Variants in CDIN1 observed in about 807,000 individuals in gnomAD.
CDIN1 encodes the protein CDAN1-interacting nuclease 1.
Under a neutral mutation model 45.3 loss-of-function variants are expected in CDIN1, and 33 were observed. The ratio of observed to expected loss-of-function variants is 0.73; its 90% CI spans 0.55 to 0.97. The LOEUF (loss-of-function observed/expected upper bound fraction) is 0.97, where lower values mean the gene tolerates loss of function less well. CDIN1 is among the 50% of genes least tolerant of loss of function. The pLI, the probability that CDIN1 is intolerant of heterozygous loss-of-function variation, is 0.00. For missense variants in CDIN1, 303 were observed against 339.4 expected (o/e 0.89, Z 0.84); for synonymous variants, 118 against 124.4 (o/e 0.95, Z 0.34).
chr15:36,667,619 T>A (rs925817633), intron 5 of CDIN1, among the ~76,000 whole-genome samples: 3 of 152,164 alleles, frequency 2.0e-5, no homozygotes, highest in African/African-American at 7.2e-5. Flanking sequence ...AGAGAATCAA[T>A]AAAACCAATA....
chr15:36,693,801 T>G (rs1365025563), intron 7 of CDIN1, among the ~76,000 whole-genome samples: 1 of 152,196 alleles, frequency 6.6e-6, no homozygotes, highest in African/African-American at 2.4e-5. Context: ...CATACATCAA[T>G]AATAGGTATT....
chr15:36,699,529 C>G (rs1198325210), intron 8 of CDIN1, among the ~76,000 whole-genome samples: 1 of 152,104 alleles, frequency 6.6e-6, no homozygotes. Flanking sequence ...AAATCTCTCT[C>G]TCTCTCTGTT....
At chr15:36,762,264 T>TA (rs1175342589) in intron 10 of CDIN1, among the ~76,000 whole-genome samples, 1 of 152,166 alleles carries the variant, frequency 6.6e-6, no homozygotes, top group East Asian at 1.9e-4. Flanking sequence ...TTCCTTTTGT[T>TA]ACACGCAGGC....
chr15:36,800,907 G>GTATATATATATA (rs1282877205), intron 10 of CDIN1, among the ~76,000 whole-genome samples: 884 of 31,298 alleles, frequency 0.028, 28 homozygotes, highest in South Asian at 0.041. Context: ...GTGTGTGTGT[G>GTATATATATATA]TGTATATATA....
chr15:36,586,907 C>T (rs948015785), intron 1 of CDIN1, among the ~76,000 whole-genome samples: 1 of 152,164 alleles, frequency 6.6e-6, no homozygotes, highest in African/African-American at 2.4e-5. Context: ...CCAAAGGATT[C>T]GTTGAATAGT....
At chr15:36,781,243 A>G (rs1200067918) in intron 10 of CDIN1, among the ~76,000 whole-genome samples, 1 of 152,208 alleles carries the variant, frequency 6.6e-6, no homozygotes, top group South Asian at 2.1e-4. Context: ...TGCCATTTTT[A>G]GACTACTTAA....
At chr15:36,804,755 C>T (rs2055172330) in intron 10 of CDIN1, 1 of 144,554 alleles carries the variant, frequency 6.9e-6, no homozygotes, top group East Asian at 2.1e-4. Flanking sequence ...TCACTGCAAC[C>T]TCCGTCTCCT....
intron 5 of CDIN1, among the ~76,000 whole-genome samples, chr15:36,690,974 C>T (rs1160117926): frequency 6.6e-6 from 1 of 152,070 alleles, no homozygotes; most frequent in Non-Finnish European, 1.5e-5. Context: ...CTTAGTGCCC[C>T]CTCTTCTTCT....
chr15:36,693,947 G>T (rs898431831), intron 7 of CDIN1, among the ~76,000 whole-genome samples: 1 of 152,126 alleles, frequency 6.6e-6, no homozygotes, highest in Non-Finnish European at 1.5e-5. Context: ...TGTAGTACAT[G>T]ATTTCAATTG....
At chr15:36,804,528 C>A (rs2141142665) in intron 10 of CDIN1, 1 of 152,086 alleles carries the variant, frequency 6.6e-6, no homozygotes. Context: ...TCTTTACCCT[C>A]AACAGGGTCC....
intron 10 of CDIN1, among the ~76,000 whole-genome samples, chr15:36,740,211 A>G (rs1192638659): frequency 6.6e-6 from 1 of 151,946 alleles, no homozygotes; most frequent in Non-Finnish European, 1.5e-5. Flanking sequence ...TCTTTTTTGC[A>G]TCTAATACCT....
intron 1 of CDIN1, chr15:36,641,608 T>C (rs1429556417): frequency 1.3e-5 from 2 of 152,234 alleles, no homozygotes; most frequent in African/African-American, 4.8e-5. Context: ...TTTTTGATTA[T>C]GTAAATTTAA....
chr15:36,779,742 G>A (rs1335992931), intron 10 of CDIN1, among the ~76,000 whole-genome samples: 1 of 152,080 alleles, frequency 6.6e-6, no homozygotes, highest in African/African-American at 2.4e-5. Context: ...GACTTCTCTG[G>A]GCCTCAGAGA....
chr15:36,680,615 GC>G (rs1293580738), intron 5 of CDIN1, among the ~76,000 whole-genome samples: 2 of 152,108 alleles, frequency 1.3e-5, no homozygotes, highest in African/African-American at 4.8e-5. Context: ...GACACGAGGG[GC>G]TGGGCTTGGG....
At chr15:36,793,747 G>A (rs974526758) in intron 10 of CDIN1, among the ~76,000 whole-genome samples, 3 of 152,042 alleles carry the variant, frequency 2.0e-5, no homozygotes, top group East Asian at 1.9e-4. Flanking sequence ...TTCATTAATC[G>A]CGAGAAAACA....
intron 1 of CDIN1, among the ~76,000 whole-genome samples, chr15:36,584,212 C>G (rs1355548470): frequency 6.6e-6 from 1 of 152,152 alleles, no homozygotes; most frequent in East Asian, 1.9e-4. Flanking sequence ...GCACCTCTTA[C>G]CACCATGTAT....
chr15:36,620,901 A>G (rs1444535006), intron 1 of CDIN1, among the ~76,000 whole-genome samples: 25 of 152,198 alleles, frequency 1.6e-4, no homozygotes, highest in Admixed American at 1.6e-3. Context: ...ATTCACTGAA[A>G]CAGAACCAGC....
At chr15:36,730,494 A>G (rs1010878660) in intron 10 of CDIN1, among the ~76,000 whole-genome samples, 1 of 152,114 alleles carries the variant, frequency 6.6e-6, no homozygotes, top group Admixed American at 6.6e-5. Flanking sequence ...AAAAGTAGGC[A>G]GAGTAAGAGT....
chr15:36,726,871 C>T (rs1189598755), intron 10 of CDIN1, among the ~76,000 whole-genome samples: 2 of 152,040 alleles, frequency 1.3e-5, no homozygotes, highest in Non-Finnish European at 2.9e-5. Context: ...GGTTTATCAG[C>T]GACTTAATTT....
Sources: gnomAD v4.1 joint callset for allele counts (sites outside exome capture counted in the v4.1 genomes callset) on GRCh38, gnomAD v4.1.1 for gene constraint, MANE v1.5 for transcripts, NCBI Gene and HGNC (gene_info 2026-07-23, HGNC 2026-07-21) for gene names.